The following ACCSL variants were observed in gnomAD, a reference collection of about 807,000 sequenced individuals.
ACCSL encodes probable inactive 1-aminocyclopropane-1-carboxylate synthase-like protein 2.
In ACCSL, 55 loss-of-function variants were observed where a neutral mutation model predicts 61.7. The ratio of observed to expected loss-of-function variants is 0.89; its 90% CI spans 0.72 to 1.12. The LOEUF is 1.12. Ranked by LOEUF, ACCSL falls within the 50% of genes most tolerant of loss-of-function variation. The pLI is 0.00. For missense variants in ACCSL, 632 were observed against 698.0 expected (o/e 0.91, Z 1.07); for synonymous variants, 258 against 264.3 (o/e 0.98, Z 0.23).
chr11:44,058,995 C>T (rs1952689863), intron 13 of ACCSL, among the ~76,000 whole-genome samples: 1 of 152,132 alleles, frequency 6.6e-6, no homozygotes, highest in Non-Finnish European at 1.5e-5. Context: ...GTAATCCCAG[C>T]ACTTTGGGAG....
intron 1 of ACCSL, 155 bp from the exon 2 acceptor site, chr11:44,049,906 TG>T: frequency 3.3e-6 from 3 of 898,632 alleles, no homozygotes; most frequent in Admixed American, 2.0e-5. Context: ...TGTACTATTT[TG>T]GGTTCATGGA....
the ACCSL span, among the ~76,000 whole-genome samples, chr11:44,030,004 A>ATTTTATTTTAT: frequency 1.7e-5 from 1 of 57,214 alleles, no homozygotes; most frequent in Admixed American, 1.9e-4. Flanking sequence ...ATTTTATTTT[A>ATTTTATTTTAT]TTTTATTTTA....
At chr11:43,944,802 T>G in the ACCSL span, 1 of 152,398 alleles carries the variant, frequency 6.6e-6, no homozygotes, top group African/African-American at 2.4e-5. Context: ...GGTAACAAAC[T>G]ACATTTGGTT....
At chr11:43,943,285 C>G in the ACCSL span, 1 of 1,479,240 alleles carries the variant, frequency 6.8e-7, no homozygotes, top group Non-Finnish European at 8.9e-7. This position sits in a 1 kb window ranked among gnomAD's most constrained non-coding sequence, Gnocchi z 4.8. Context: ...GGGCGCCGCC[C>G]GCGGGGGGGA....
the ACCSL span, chr11:43,943,377 A>T: frequency 7.1e-7 from 1 of 1,402,194 alleles, no homozygotes; most frequent in Non-Finnish European, 9.2e-7. This position sits in a 1 kb window ranked among gnomAD's most constrained non-coding sequence, Gnocchi z 4.8. Context: ...ACCCGCAAGG[A>T]CCCGGGACCG....
At chr11:44,014,784 T>C in the ACCSL span, among the ~76,000 whole-genome samples, 3 of 152,140 alleles carry the variant, frequency 2.0e-5, no homozygotes, top group Non-Finnish European at 4.4e-5. Context: ...ACCCACCAGA[T>C]TGAGTCCTGC....
chr11:44,030,947 T>C, the ACCSL span, among the ~76,000 whole-genome samples: 1 of 152,064 alleles, frequency 6.6e-6, no homozygotes, highest in African/African-American at 2.4e-5. Context: ...AAACTGAAAC[T>C]CAGAGAGGTT....
chr11:44,009,488 G>A, the ACCSL span, among the ~76,000 whole-genome samples: 8 of 152,286 alleles, frequency 5.3e-5, no homozygotes, highest in East Asian at 5.8e-4. Context: ...GCTCAGGGCC[G>A]GGCGCAGTGG....
At chr11:43,973,053 C>G in the ACCSL span, among the ~76,000 whole-genome samples, 1 of 152,082 alleles carries the variant, frequency 6.6e-6, no homozygotes, top group African/African-American at 2.4e-5. Context: ...ATTCTTGGAC[C>G]CTGCCTCAAT....
the ACCSL span, among the ~76,000 whole-genome samples, chr11:44,018,061 A>G: frequency 6.6e-6 from 1 of 152,188 alleles, no homozygotes; most frequent in Non-Finnish European, 1.5e-5. Context: ...CCAGGGATCC[A>G]GGGGACTGGA....
At chr11:43,994,699 C>T in the ACCSL span, among the ~76,000 whole-genome samples, 1 of 152,060 alleles carries the variant, frequency 6.6e-6, no homozygotes, top group Non-Finnish European at 1.5e-5. Context: ...GTGGCATGAT[C>T]ACAGCTAACT....
intron 13 of ACCSL, 44 bp from the exon 14 acceptor site, chr11:44,059,794 C>A: frequency 6.4e-7 from 1 of 1,574,642 alleles, no homozygotes; most frequent in South Asian, 1.1e-5. Context: ...ACCAGCAAAC[C>A]TACTAAATCA....
the ACCSL span, among the ~76,000 whole-genome samples, chr11:44,015,550 A>T: frequency 6.6e-6 from 1 of 152,180 alleles, no homozygotes; most frequent in Non-Finnish European, 1.5e-5. Context: ...CAAGACAAGA[A>T]GCAACTTTAC....
At chr11:43,926,218 A>G in the ACCSL span, among the ~76,000 whole-genome samples, 1 of 151,998 alleles carries the variant, frequency 6.6e-6, no homozygotes, top group Admixed American at 6.5e-5. Context: ...CCAGATGCCA[A>G]AGTGGCCTTG....
chr11:44,034,868 A>AG, the ACCSL span, among the ~76,000 whole-genome samples: 21 of 152,230 alleles, frequency 1.4e-4, no homozygotes, highest in Non-Finnish European at 2.4e-4. Context: ...GCCTCTAGCC[A>AG]GCTCCACAAG....
chr11:44,058,441 C>G lies in ACCSL; in HGVS notation c.1452C>G (p.Val484=), dbSNP rs1309445161. The G allele has an allele frequency of 1.2e-6, 2 of 1,614,032 alleles. No individual in the cohort carries two copies. Among genetic ancestry groups the G allele is most frequent in the African/African-American group, 2.7e-5 (2 of 74,910 alleles). ...ACAACCGCAGCTCTGGCCTCTATGT[C>G]TGGATCAACTTGAAAAAGGTGTGTT... ...PFHNRSSGLY[V]WINLKKYLDP... The change falls in exon 12 of 14, where the codon GTC becomes GTG. Residue 484 remains valine (V), a synonymous_variant. Transcript: ENST00000378832.
chr11:44,004,462 G>A, the ACCSL span, among the ~76,000 whole-genome samples: 1 of 151,996 alleles, frequency 6.6e-6, no homozygotes. Context: ...CCGCACCCAG[G>A]GCTTCCAAGG....
chr11:43,977,705 C>G, the ACCSL span, among the ~76,000 whole-genome samples: 5 of 152,250 alleles, frequency 3.3e-5, no homozygotes, highest in African/African-American at 1.2e-4. Context: ...ATGTACCAGG[C>G]ATCCTGCCTA....
chr11:43,996,354 G>T, the ACCSL span, among the ~76,000 whole-genome samples: 4 of 152,202 alleles, frequency 2.6e-5, no homozygotes, highest in Non-Finnish European at 4.4e-5. Context: ...GTGGAACGTG[G>T]GTCAGAGGGG....
Sources: gnomAD v4.1 joint callset for allele counts (sites outside exome capture counted in the v4.1 genomes callset) on GRCh38, gnomAD v4.1.1 for gene constraint, Gnocchi (gnomAD v3.1) non-coding constraint, MANE v1.5 for transcripts, NCBI Gene and HGNC (gene_info 2026-07-23, HGNC 2026-07-21) for gene names.